The following PCGF5 variants were observed in gnomAD, a reference collection of about 807,000 sequenced individuals.
PCGF5 encodes polycomb group ring finger 5.
Under a neutral mutation model 44.3 loss-of-function variants are expected in PCGF5, and 9 were observed. The ratio of observed to expected loss-of-function variants is 0.20; its 90% CI spans 0.12 to 0.35. The LOEUF is 0.35. PCGF5 is among the 10% of genes least tolerant of loss of function. PCGF5 has a pLI of 1.00. For missense variants in PCGF5, 146 were observed against 305.3 expected (o/e 0.48, Z 3.89); for synonymous variants, 95 against 102.5 (o/e 0.93, Z 0.44).
intron 1 of PCGF5, among the ~76,000 whole-genome samples, chr10:91,164,059 G>A (rs1278529908): frequency 6.6e-6 from 1 of 152,272 alleles, no homozygotes; most frequent in Non-Finnish European, 1.5e-5. Context: ...GAGCTCCAGG[G>A]CGGTGAATGA....
intron 1 of PCGF5, among the ~76,000 whole-genome samples, chr10:91,196,253 T>A (rs1158265623): frequency 6.6e-6 from 1 of 152,218 alleles, no homozygotes; most frequent in Non-Finnish European, 1.5e-5. Flanking sequence ...GAGGCAAAGA[T>A]GTCCAATGCA....
rs1213772218 is a variant in PCGF5 at position 91,213,700 on chromosome 10, G to C, written c.-183-8989G>C. Among the ~76,000 whole-genome samples, 5 of 150,694 alleles carry C rather than the reference G, an allele frequency of 3.3e-5. No individual in the cohort carries two copies. The East Asian group carries it at 9.8e-4, about 29-fold the overall frequency. On this transcript the variant is annotated intron_variant, in intron 1 of 9. Transcript: ENST00000614189. ...GGGGTTTCTCCATGTTGGTCAGGCTGGTCTCAAACTCCCGACCTCAGAGAG... is the reference window on the plus strand; with the variant it reads ...GGGGTTTCTCCATGTTGGTCAGGCTCGTCTCAAACTCCCGACCTCAGAGAG...
upstream of PCGF5, chr10:91,220,471 C>T (rs887372179): frequency 2.0e-5 from 3 of 152,800 alleles, no homozygotes; most frequent in African/African-American, 7.2e-5. Flanking sequence ...ACGTGTAGCA[C>T]AGGGAGCCAG....
At chr10:91,260,887 C>T (rs1845890117) in intron 6 of PCGF5, among the ~76,000 whole-genome samples, 1 of 151,490 alleles carries the variant, frequency 6.6e-6, no homozygotes, top group Admixed American at 6.6e-5. Context: ...TGCAGCACAC[C>T]AACATGGCAC....
At chr10:91,207,548 C>G (rs1240425081) in intron 1 of PCGF5, among the ~76,000 whole-genome samples, 1 of 152,180 alleles carries the variant, frequency 6.6e-6, no homozygotes, top group Non-Finnish European at 1.5e-5. Flanking sequence ...TTACTATATT[C>G]AGGAAATATG....
intron 8 of PCGF5, among the ~76,000 whole-genome samples, chr10:91,270,043 T>G (rs1305114732): frequency 6.6e-6 from 1 of 152,238 alleles, no homozygotes; most frequent in Non-Finnish European, 1.5e-5. Context: ...GACATAAATG[T>G]TATTAATAAC....
chr10:91,255,318 G>A (rs1017683634), intron 6 of PCGF5, among the ~76,000 whole-genome samples: 2 of 152,066 alleles, frequency 1.3e-5, no homozygotes, highest in African/African-American at 4.8e-5. Flanking sequence ...ATGTCCCTAG[G>A]AGCTTCAAAA....
intron 2 of PCGF5, among the ~76,000 whole-genome samples, chr10:91,238,460 C>CT (rs1269925639): frequency 6.6e-6 from 1 of 152,150 alleles, no homozygotes; most frequent in Non-Finnish European, 1.5e-5. Context: ...ACATACCTCT[C>CT]TATTTGGTCA....
upstream of PCGF5, among the ~76,000 whole-genome samples, chr10:91,215,452 C>T (rs536091409): frequency 2.6e-5 from 4 of 152,190 alleles, no homozygotes; most frequent in Non-Finnish European, 4.4e-5. Flanking sequence ...CCTTGTTTAA[C>T]GTCATAGAAA....
intron 1 of PCGF5, among the ~76,000 whole-genome samples, chr10:91,176,881 C>A (rs911499750): frequency 1.3e-4 from 20 of 149,790 alleles, no homozygotes; most frequent in African/African-American, 4.6e-4. Context: ...GAAGTTTGAT[C>A]GTCTGAAGCC....
intron 6 of PCGF5, among the ~76,000 whole-genome samples, chr10:91,260,269 C>G (rs1212096504): frequency 6.6e-6 from 1 of 152,178 alleles, no homozygotes; most frequent in South Asian, 2.1e-4. Flanking sequence ...GATACCATCT[C>G]ACACCAGTTA....
chr10:91,161,568 C>T (rs1248387990), upstream of PCGF5, among the ~76,000 whole-genome samples: 2 of 152,220 alleles, frequency 1.3e-5, no homozygotes, highest in African/African-American at 2.4e-5. Flanking sequence ...TGATCACCGC[C>T]AGCCTTGGCT....
At chr10:91,172,592 AATGGATGGGTCATCTCTCTCC>A (rs1843629597) in intron 1 of PCGF5, among the ~76,000 whole-genome samples, 3 of 152,358 alleles carry the variant, frequency 2.0e-5, no homozygotes, top group Admixed American at 2.0e-4. Context: ...AGAAGCCAGG[AATGGATGGGTCATCTCTCTCC>A]TTTAAACACT....
At chr10:91,159,022 G>C (rs986469237), upstream of PCGF5, among the ~76,000 whole-genome samples, 3 of 152,182 alleles carry the variant, frequency 2.0e-5, no homozygotes, top group African/African-American at 7.2e-5. Flanking sequence ...GCTAGCAGAA[G>C]CAGGAAGCAG....
chr10:91,181,158 G>A (rs527784406), intron 1 of PCGF5, among the ~76,000 whole-genome samples: 29 of 152,036 alleles, frequency 1.9e-4, no homozygotes, highest in African/African-American at 6.5e-4. Context: ...GACCCTTGTT[G>A]GTATATAGGA....
intron 1 of PCGF5, among the ~76,000 whole-genome samples, chr10:91,189,209 C>A (rs915842007): frequency 6.6e-6 from 1 of 152,182 alleles, no homozygotes; most frequent in African/African-American, 2.4e-5. Context: ...TCTTTTACAA[C>A]CCTGATTGAT....
At chr10:91,179,534 G>A (rs1235216275) in intron 1 of PCGF5, among the ~76,000 whole-genome samples, 1 of 152,104 alleles carries the variant, frequency 6.6e-6, no homozygotes, top group African/African-American at 2.4e-5. Context: ...AGTGTGTGTT[G>A]TTTCCCTCTG....
intron 1 of PCGF5, among the ~76,000 whole-genome samples, chr10:91,182,560 A>AT (rs1234653273): frequency 6.6e-6 from 1 of 151,598 alleles, no homozygotes; most frequent in East Asian, 1.9e-4. Context: ...TTCAGCTCTG[A>AT]TTTTTGTTAT....
intron 6 of PCGF5, among the ~76,000 whole-genome samples, chr10:91,254,000 T>C (rs1845684674): frequency 6.6e-6 from 1 of 152,096 alleles, no homozygotes; most frequent in Non-Finnish European, 1.5e-5. Context: ...ATGGTCATTG[T>C]ACAGGCCAAA....
Sources: gnomAD v4.1 joint callset for allele counts (sites outside exome capture counted in the v4.1 genomes callset) on GRCh38, gnomAD v4.1.1 for gene constraint, MANE v1.5 for transcripts, NCBI Gene and HGNC (gene_info 2026-07-23, HGNC 2026-07-21) for gene names.